Variants in DLC1 observed in about 807,000 individuals in gnomAD.
DLC1 encodes the protein DLC1 Rho GTPase activating protein, also known as rho GTPase-activating protein 7.
A neutral mutation model predicts 140.3 loss-of-function variants in DLC1; 54 were observed. The observed-to-expected ratio is 0.38, with a 90% CI of 0.31 to 0.48. The LOEUF (loss-of-function observed/expected upper bound fraction) is 0.48. Ranked by LOEUF, DLC1 falls within the 20% of genes least tolerant of loss-of-function variation. The pLI is 0.96. For synonymous variants in DLC1, 986 were observed against 728.1 expected (o/e 1.35, Z -5.70); for missense variants, 2,536 against 1,907.0 (o/e 1.33, Z -6.14).
intron 5 of DLC1, among the ~76,000 whole-genome samples, chr8:13,260,702 A>G (rs539941933): frequency 4.6e-5 from 7 of 152,304 alleles, no homozygotes; most frequent in South Asian, 2.1e-4. Context: ...TCATTTATAT[A>G]TATGGTACTT....
chr8:13,591,392 C>A (rs867818405), intron 1 of DLC1, among the ~76,000 whole-genome samples: 1 of 152,078 alleles, frequency 6.6e-6, no homozygotes, highest in Non-Finnish European at 1.5e-5. Flanking sequence ...ATCACGAGAT[C>A]TGATGGTTTT....
At chr8:13,432,899 G>A (rs983840877) in intron 2 of DLC1, among the ~76,000 whole-genome samples, 1 of 150,944 alleles carries the variant, frequency 6.6e-6, no homozygotes, top group Non-Finnish European at 1.5e-5. Context: ...CTCTACTGCT[G>A]GGGAATTGTG....
At chr8:13,522,858 A>G (rs1802805646) in intron 1 of DLC1, among the ~76,000 whole-genome samples, 1 of 152,098 alleles carries the variant, frequency 6.6e-6, no homozygotes, top group Non-Finnish European at 1.5e-5. Flanking sequence ...AAAAGGTGAG[A>G]GAGATGACCA....
At chr8:13,579,209 A>G (rs928575621) in intron 1 of DLC1, among the ~76,000 whole-genome samples, 4 of 126,792 alleles carry the variant, frequency 3.2e-5, no homozygotes, top group Non-Finnish European at 6.5e-5. Flanking sequence ...ACCGCCGCAT[A>G]AAAGGTGTAA....
intron 2 of DLC1, among the ~76,000 whole-genome samples, chr8:13,420,821 A>G (rs112603121): frequency 1.3e-5 from 2 of 152,136 alleles, no homozygotes; most frequent in Non-Finnish European, 1.5e-5. Context: ...GTGGCTCCAT[A>G]TAATAAATGG....
intron 5 of DLC1, among the ~76,000 whole-genome samples, chr8:13,280,689 C>T (rs1384514200): frequency 1.3e-5 from 2 of 152,174 alleles, no homozygotes; most frequent in African/African-American, 4.8e-5. Context: ...CATAAATCCA[C>T]TTTGGTCTTA....
chr8:13,141,295 A>G (rs1822976333), intron 5 of DLC1, among the ~76,000 whole-genome samples: 1 of 148,392 alleles, frequency 6.7e-6, no homozygotes, highest in South Asian at 2.2e-4. Flanking sequence ...GCCAGCTGCT[A>G]AAAAGCTAGC....
At chr8:13,379,686 T>C (rs1202982665) in intron 4 of DLC1, among the ~76,000 whole-genome samples, 1 of 152,182 alleles carries the variant, frequency 6.6e-6, no homozygotes, top group Non-Finnish European at 1.5e-5. Flanking sequence ...GTGCAGAACT[T>C]GCAGGTTTGT....
In DLC1 at chr8:13,100,273, T is replaced by G; in HGVS notation, c.2064A>C (p.Ser688=). The G allele has an allele frequency of 6.2e-7, 1 of 1,614,148 alleles. No homozygotes were observed. Among genetic ancestry groups the G allele is most frequent in the Non-Finnish European group, 8.5e-7 (1 of 1,180,030 alleles). ...SSHHSKHKAP[S]KLGLIISGPI... ...GCCCGCTGATGATCAACCCCAGCTT[T>G]GAGGGCGCTTTGTGCTTGCTGTGAT... Residue 688 remains serine (S), a synonymous_variant, in exon 9 of 18, where the codon TCA becomes TCC. Transcript: ENST00000276297.
intron 1 of DLC1, among the ~76,000 whole-genome samples, chr8:13,531,418 T>G (rs1803092741): frequency 6.6e-6 from 1 of 152,060 alleles, no homozygotes; most frequent in Admixed American, 6.6e-5. Flanking sequence ...AAACCCCATC[T>G]CTACTAAAAA....
In DLC1 at chr8:13,317,210, A is replaced by G. The variant is rs546619474; in HGVS notation, c.1315-11908T>C. Among the ~76,000 whole-genome samples, 16 of 152,348 alleles carry G rather than the reference A, an allele frequency of 1.1e-4. No homozygotes were observed. In the East Asian group the frequency reaches 2.9e-3, roughly 28 times the overall value. The stretch of plus-strand genomic sequence containing the variant: ...TTCAAATCAAGTATAAGGAAGGTTA[A>G]GTAGTAACATTAGCAATAAGCCACA... On this transcript the variant is annotated intron_variant, in intron 4 of 17. Coordinates refer to ENST00000276297, the MANE Select transcript of DLC1 (RefSeq NM_182643.3).
At chr8:13,410,993 C>G (rs1185112104) in intron 2 of DLC1, among the ~76,000 whole-genome samples, 5 of 152,178 alleles carry the variant, frequency 3.3e-5, no homozygotes, top group Admixed American at 3.3e-4. Flanking sequence ...ATGAACCCAC[C>G]TGCAGAGCTG....
At chr8:13,312,508 C>T (rs1163684133) in intron 4 of DLC1, among the ~76,000 whole-genome samples, 1 of 151,176 alleles carries the variant, frequency 6.6e-6, no homozygotes, top group South Asian at 2.1e-4. Flanking sequence ...AAGAAATTTA[C>T]AATTGATGAC....
At chr8:13,413,788 A>C (rs1428040836) in intron 2 of DLC1, among the ~76,000 whole-genome samples, 2 of 152,096 alleles carry the variant, frequency 1.3e-5, no homozygotes, top group South Asian at 2.1e-4. Context: ...CATGATCATA[A>C]ATTTCCTGAG....
At chr8:13,359,173 TC>T (rs1429208619) in intron 4 of DLC1, among the ~76,000 whole-genome samples, 4 of 152,188 alleles carry the variant, frequency 2.6e-5, no homozygotes, top group Non-Finnish European at 5.9e-5. Flanking sequence ...TCTCCTGACC[TC>T]GTGATCCAGT....
intron 2 of DLC1, among the ~76,000 whole-genome samples, chr8:13,457,258 G>A (rs1563364153): frequency 6.6e-6 from 1 of 152,112 alleles, no homozygotes; most frequent in East Asian, 1.9e-4. Flanking sequence ...CTATTTTGTT[G>A]AATTATATAA....
At position 13,240,635 on chromosome 8, in the gene DLC1, G is replaced by C. The variant is rs536861104; in HGVS notation, c.1348+64634C>G. Among the ~76,000 whole-genome samples the C allele has an allele frequency of 7.9e-5, 12 of 152,012 alleles. No individual in the cohort carries two copies. In the South Asian group the frequency reaches 2.5e-3, roughly 32 times the overall value. Reference sequence around the variant, plus strand: ...TTTTGTAGAGATGAGGCTTCCCTGTGTTGCCCAGGCTGGTCTCAAACTTCT... The same window carrying C: ...TTTTGTAGAGATGAGGCTTCCCTGTCTTGCCCAGGCTGGTCTCAAACTTCT... On this transcript the variant is annotated intron_variant, in intron 5 of 17. Coordinates refer to ENST00000276297, the MANE Select transcript of DLC1 (RefSeq NM_182643.3).
intron 4 of DLC1, among the ~76,000 whole-genome samples, chr8:13,387,859 G>A (rs913165223): frequency 2.0e-5 from 3 of 151,984 alleles, no homozygotes; most frequent in African/African-American, 4.8e-5. Context: ...AAAGACGTTC[G>A]CATGTTCAAC....
intron 5 of DLC1, among the ~76,000 whole-genome samples, chr8:13,285,008 C>G (rs1831492174): frequency 6.6e-6 from 1 of 152,046 alleles, no homozygotes; most frequent in Non-Finnish European, 1.5e-5. Context: ...TTTTGTTTGT[C>G]TGTTTGTTTA....
Sources: allele counts gnomAD v4.1 joint callset (sites outside exome capture counted in the v4.1 genomes callset), GRCh38; gene constraint gnomAD v4.1.1; transcripts MANE v1.5; gene names NCBI Gene and HGNC (gene_info 2026-07-23, HGNC 2026-07-21).